The following EIF4B variants were observed in gnomAD, a reference collection of about 807,000 sequenced individuals.
EIF4B encodes eukaryotic translation initiation factor 4B.
A neutral mutation model predicts 79.3 loss-of-function variants in EIF4B; 8 were observed. That is an observed-to-expected ratio of 0.10 (90% CI 0.06 to 0.18). The LOEUF (loss-of-function observed/expected upper bound fraction) is 0.18, where lower values mean the gene tolerates loss of function less well. Among genes scored for constraint, EIF4B ranks in the 10% least tolerant of loss-of-function variants. EIF4B has a pLI of 1.00. For synonymous variants in EIF4B, 238 were observed against 274.7 expected (o/e 0.87, Z 1.32); for missense variants, 515 against 792.4 (o/e 0.65, Z 4.20).
At chr12:53,012,749 GTGCCCGCCACCA>G (rs1347909398) in intron 1 of EIF4B, among the ~76,000 whole-genome samples, 1 of 151,774 alleles carries the variant, frequency 6.6e-6, no homozygotes, top group Non-Finnish European at 1.5e-5. Flanking sequence ...AGGACCACAG[GTGCCCGCCACCA>G]TGCCCGGCTA....
Position 53,038,359 on chromosome 12 carries a change from TG to T in EIF4B, c.1529del (p.Gly510GlufsTer3). 1 of 1,592,250 alleles carries T rather than the reference TG, an allele frequency of 6.3e-7. No homozygotes were observed. The highest frequency in any genetic ancestry group is 8.6e-7 in the Non-Finnish European group (1 of 1,168,912). On this transcript the variant is annotated frameshift_variant, in exon 12 of 15. Coordinates refer to ENST00000262056, the MANE Select transcript of EIF4B (RefSeq NM_001417.7). LOFTEE classifies it high-confidence loss of function. ...TGATTACCTGTTTTCCTTCTAGTGG[TG>T]GGGGAAAAGTAGCTCCAGCTCAACC... is the stretch of plus-strand genomic sequence containing the variant. ...DTEQQSPTSG[G>X]GKVAPAQPSE...
intron 1 of EIF4B, chr12:53,014,800 C>T (rs779061976): frequency 3.3e-5 from 5 of 152,170 alleles, no homozygotes; most frequent in Non-Finnish European, 7.3e-5. Flanking sequence ...ATTATAAAAA[C>T]CATGAAGCCA....
chr12:53,016,423 G>A, intron 1 of EIF4B, 50 bp from the exon 2 acceptor site: 2 of 1,609,184 alleles, frequency 1.2e-6, no homozygotes, highest in Non-Finnish European at 1.7e-6. Context: ...GTACAACTCT[G>A]TAAATACCTG....
chr12:53,039,502 C>A, intron 13 of EIF4B, 128 bp from the exon 14 acceptor site: 1 of 1,278,382 alleles, frequency 7.8e-7, no homozygotes, highest in South Asian at 1.4e-5. Flanking sequence ...AGAAGTAATA[C>A]ATCATCCAGA....
At chr12:53,035,347 C>G (rs1943521297) in intron 10 of EIF4B, among the ~76,000 whole-genome samples, 1 of 151,954 alleles carries the variant, frequency 6.6e-6, no homozygotes, top group African/African-American at 2.4e-5. Context: ...CACCACTACA[C>G]CCAGCTAAAT....
chr12:53,037,966 C>A (rs1057082783), intron 11 of EIF4B: 2 of 315,656 alleles, frequency 6.3e-6, no homozygotes, highest in South Asian at 3.8e-5. Flanking sequence ...AGCAAAATAG[C>A]AACACTATTA....
At chr12:53,039,373 C>T in intron 13 of EIF4B, 30 bp downstream of exon 13, 1 of 1,505,616 alleles carries the variant, frequency 6.6e-7, no homozygotes, top group Non-Finnish European at 9.1e-7. Flanking sequence ...CATCTTTCCT[C>T]TGATCCACAT....
At chr12:53,016,355 A>G (rs1212385255) in intron 1 of EIF4B, 118 bp from the exon 2 acceptor site, 5 of 1,338,728 alleles carry the variant, frequency 3.7e-6, no homozygotes, top group Non-Finnish European at 3.0e-6. Context: ...CCATAATTTA[A>G]CCATTTGAGG....
Position 53,037,504 on chromosome 12 carries a change from G to A in EIF4B, c.1402G>A (p.Asp468Asn). ...HSPTSKPPKPDQPLKVMPAPP... is the reference protein window; with the variant it reads ...HSPTSKPPKPNQPLKVMPAPP... ...TCCAACTTCTAAACCTCCCAAACCT[G>A]ATCAGCCCCTAAAGGTAATGCCAGC... The change falls in exon 11 of 15, where the codon GAT becomes AAT. Residue 468 changes from aspartate (D) to asparagine (N), a missense_variant. Around this residue, in one of 6 missense-constraint regions of EIF4B, gnomAD observed 146 missense variants for 228.0 expected, o/e 0.64. Transcript: ENST00000262056. 6.2e-7 allele frequency: 1 copy of A among 1,613,840 alleles called. No homozygotes were observed. The highest frequency in any genetic ancestry group is 8.5e-7 in the Non-Finnish European group (1 of 1,179,800).
intron 2 of EIF4B, among the ~76,000 whole-genome samples, chr12:53,017,421 G>GA (rs572118425): frequency 4.6e-5 from 7 of 152,072 alleles, no homozygotes; most frequent in Non-Finnish European, 1.0e-4. Flanking sequence ...GGAAAATAAA[G>GA]AAGAGTCAAT....
intron 1 of EIF4B, among the ~76,000 whole-genome samples, chr12:53,008,082 A>G (rs564238482): frequency 6.5e-4 from 99 of 152,318 alleles, no homozygotes; most frequent in Admixed American, 1.2e-3. Context: ...AAAAGTCCTA[A>G]ATATATTTTA....
intron 2 of EIF4B, among the ~76,000 whole-genome samples, chr12:53,018,426 G>A (rs1417511923): frequency 2.6e-5 from 4 of 152,156 alleles, no homozygotes; most frequent in East Asian, 3.8e-4. Flanking sequence ...TAGCTTTACC[G>A]TCTGTGACCT....
At chr12:53,027,020 C>T (rs559483385) in intron 6 of EIF4B, among the ~76,000 whole-genome samples, 80 of 150,932 alleles carry the variant, frequency 5.3e-4, no homozygotes, top group African/African-American at 5.1e-4. Flanking sequence ...CTGGGTGTTA[C>T]GGCTCAGGCC....
chr12:53,031,253 C>T (rs1259545076), intron 8 of EIF4B, among the ~76,000 whole-genome samples: 5 of 152,206 alleles, frequency 3.3e-5, no homozygotes, highest in Admixed American at 6.5e-5. Flanking sequence ...CTGACATACA[C>T]GGGCCTTCAC....
At position 53,030,413 on chromosome 12, in the gene EIF4B, C is replaced by CTTTTTTTTTTTTTT. The variant is rs759061266; in HGVS notation, c.979+2237_979+2250dup. 2.6e-3 allele frequency among the ~76,000 whole-genome samples: 114 copies of CTTTTTTTTTTTTTT among 43,080 alleles called. 33 individuals carry two copies. Among genetic ancestry groups the CTTTTTTTTTTTTTT allele is most frequent in the Admixed American group, 3.1e-3 (7 of 2,250 alleles). 28.3% of individuals were successfully genotyped at this position (43,080 alleles called of 152,430 possible). On this transcript the variant is annotated intron_variant, in intron 8 of 14. Coordinates refer to ENST00000262056, the MANE Select transcript of EIF4B (RefSeq NM_001417.7). ...GAAATAGGTTTTAAAAAATTATATT[C>CTTTTTTTTTTTTTT]TTTTTTTTTTTTTTTTTTTTTTTTT... is the stretch of plus-strand genomic sequence containing the variant.
At chr12:53,015,350 C>G (rs1829766251) in intron 1 of EIF4B, among the ~76,000 whole-genome samples, 1 of 152,158 alleles carries the variant, frequency 6.6e-6, no homozygotes, top group African/African-American at 2.4e-5. Flanking sequence ...TGGTGTTTCA[C>G]TTAACCTCTC....
intron 1 of EIF4B, among the ~76,000 whole-genome samples, chr12:53,006,927 G>A (rs1942971373): frequency 6.6e-6 from 1 of 150,654 alleles, no homozygotes; most frequent in Non-Finnish European, 1.5e-5. Context: ...GCGGACCGGA[G>A]TGGGGGGTAG....
At chr12:53,034,956 CTTTTTTTT>C (rs72498436) in intron 10 of EIF4B, among the ~76,000 whole-genome samples, 3 of 90,154 alleles carry the variant, frequency 3.3e-5, no homozygotes, top group African/African-American at 1.3e-4. Context: ...TTGTCTCTCT[CTTTTTTTT>C]TTTTTTTTTT....
intron 14 of EIF4B, 64 bp from the exon 15 acceptor site, chr12:53,040,079 T>C: frequency 6.4e-7 from 1 of 1,570,974 alleles, no homozygotes; most frequent in Admixed American, 1.7e-5. Flanking sequence ...CAGTATCCTG[T>C]GTCTTGGGTT....
Sources: allele counts gnomAD v4.1 joint callset (sites outside exome capture counted in the v4.1 genomes callset), GRCh38; gene constraint gnomAD v4.1.1; regional missense constraint gnomAD v4.1.1; transcripts MANE v1.5; gene names NCBI Gene and HGNC (gene_info 2026-07-23, HGNC 2026-07-21).